The following MGMT variants were observed in gnomAD, a reference collection of about 807,000 sequenced individuals.
MGMT encodes the protein methylated-DNA--protein-cysteine methyltransferase.
MGMT carries 14 observed loss-of-function variants against 15.9 expected under a neutral mutation model. That is an observed-to-expected ratio of 0.88 (90% confidence interval 0.58 to 1.37). The LOEUF is 1.37. Among genes scored for constraint, MGMT ranks in the 40% most tolerant of loss-of-function variants. The probability of loss-of-function intolerance (pLI) is 0.00; values close to 1 mark genes in which losing one functional copy is unlikely to be tolerated. For synonymous variants in MGMT, 130 were observed against 118.2 expected (o/e 1.10, Z -0.65); for missense variants, 282 against 268.1 (o/e 1.05, Z -0.36).
At chr10:129,551,079 G>T (rs530771191) in intron 2 of MGMT, among the ~76,000 whole-genome samples, 3 of 152,218 alleles carry the variant, frequency 2.0e-5, no homozygotes, top group South Asian at 2.1e-4. Context: ...GCCCAGAGGT[G>T]CAGGGCAGCT....
At chr10:129,745,461 T>G (rs1848684230) in intron 3 of MGMT, among the ~76,000 whole-genome samples, 1 of 152,024 alleles carries the variant, frequency 6.6e-6, no homozygotes, top group Admixed American at 6.5e-5. Context: ...CGTGGCTTTG[T>G]GTTTTTGAGA....
Position 129,604,132 on chromosome 10 carries a change from G to T in MGMT, c.125+67755G>T, listed in dbSNP as rs746224974. The stretch of plus-strand genomic sequence containing the variant: ...TTACTGATGGTATGAAATGGGGAGA[G>T]GGAGGGCTTTGTCTCCATCCTCCTC... On this transcript the variant is annotated intron_variant, in intron 2 of 4. Coordinates refer to ENST00000651593, the MANE Select transcript of MGMT (RefSeq NM_002412.5). Among the ~76,000 whole-genome samples, 3 of 152,186 alleles carry T rather than the reference G, an allele frequency of 2.0e-5. No individual in the cohort carries two copies. In the South Asian group the frequency reaches 6.2e-4, roughly 32 times the overall value.
chr10:129,667,130 ATCTT>A (rs1160196025), intron 2 of MGMT, among the ~76,000 whole-genome samples: 1 of 152,154 alleles, frequency 6.6e-6, no homozygotes, highest in African/African-American at 2.4e-5. Flanking sequence ...CCTGCAGTGA[ATCTT>A]TGTGTAACCA....
intron 2 of MGMT, among the ~76,000 whole-genome samples, chr10:129,673,362 C>T (rs1201990347): frequency 3.3e-5 from 5 of 152,232 alleles, no homozygotes; most frequent in South Asian, 2.1e-4. Flanking sequence ...CCCACCTCCC[C>T]ATCTTCCTTT....
At chr10:129,646,754 A>ATATATATTTTTTTTTTT in intron 2 of MGMT, among the ~76,000 whole-genome samples, 119 of 86,592 alleles carry the variant, frequency 1.4e-3, no homozygotes, top group African/African-American at 4.2e-3. Context: ...ATATATATAT[A>ATATATATTTTTTTTTTT]TTTTCAGGGA....
At chr10:129,582,376 T>C (rs923774918) in intron 2 of MGMT, among the ~76,000 whole-genome samples, 3 of 152,192 alleles carry the variant, frequency 2.0e-5, no homozygotes, top group Non-Finnish European at 2.9e-5. Context: ...CACTGCGCAG[T>C]GTTGCTGTGC....
chr10:129,529,637 T>C (rs1342606117), intron 1 of MGMT, among the ~76,000 whole-genome samples: 2 of 150,678 alleles, frequency 1.3e-5, no homozygotes, highest in African/African-American at 4.9e-5. Context: ...TACTTGTGTG[T>C]GTTTTCATTT....
intron 2 of MGMT, among the ~76,000 whole-genome samples, chr10:129,602,860 G>T (rs1035790906): frequency 1.3e-4 from 20 of 151,984 alleles, no homozygotes; most frequent in Non-Finnish European, 2.9e-5. Context: ...CTTCGGGAAT[G>T]TCTGCAAGTA....
At chr10:129,489,760 G>GAAA (rs531114776) in intron 1 of MGMT, among the ~76,000 whole-genome samples, 33 of 152,108 alleles carry the variant, frequency 2.2e-4, no homozygotes, top group African/African-American at 7.7e-4. Flanking sequence ...TCTAGGATTA[G>GAAA]ATTTTTCTTT....
chr10:129,584,004 A>G (rs1846588769), intron 2 of MGMT, among the ~76,000 whole-genome samples: 1 of 152,154 alleles, frequency 6.6e-6, no homozygotes, highest in Non-Finnish European at 1.5e-5. Flanking sequence ...AAGACTTGGC[A>G]TGTCAGTGGA....
intron 2 of MGMT, among the ~76,000 whole-genome samples, chr10:129,654,355 C>T (rs893369022): frequency 1.3e-5 from 2 of 151,962 alleles, no homozygotes; most frequent in African/African-American, 4.8e-5. Flanking sequence ...GACCTGCACG[C>T]GGGGTCGGGC....
At chr10:129,650,494 C>T (rs1033221162) in intron 2 of MGMT, among the ~76,000 whole-genome samples, 2 of 152,114 alleles carry the variant, frequency 1.3e-5, no homozygotes, top group African/African-American at 2.4e-5. Context: ...CCGAAGGTGC[C>T]GGTACGTGAT....
intron 2 of MGMT, among the ~76,000 whole-genome samples, chr10:129,555,862 G>A (rs566622776): frequency 9.2e-5 from 14 of 152,184 alleles, no homozygotes; most frequent in African/African-American, 3.1e-4. Context: ...CGGCAACTCC[G>A]TCAGAGTCCT....
chr10:129,699,860 CA>C (rs1848076341), intron 2 of MGMT, among the ~76,000 whole-genome samples: 1 of 152,086 alleles, frequency 6.6e-6, no homozygotes, highest in Non-Finnish European at 1.5e-5. Context: ...GTACAGAATG[CA>C]TCTTTAAAAT....
chr10:129,666,856 A>G (rs757979850), intron 2 of MGMT, among the ~76,000 whole-genome samples: 10 of 152,246 alleles, frequency 6.6e-5, no homozygotes, highest in Non-Finnish European at 2.9e-5. Flanking sequence ...CTTATGAAAC[A>G]TAAGATGGTA....
chr10:129,652,088 G>A (rs919527391), intron 2 of MGMT, among the ~76,000 whole-genome samples: 2 of 152,328 alleles, frequency 1.3e-5, no homozygotes, highest in South Asian at 2.1e-4. Flanking sequence ...GGGATCGTGT[G>A]TAGGAGTAGA....
At chr10:129,657,843 C>T (rs1847550066) in intron 2 of MGMT, among the ~76,000 whole-genome samples, 1 of 152,128 alleles carries the variant, frequency 6.6e-6, no homozygotes, top group Non-Finnish European at 1.5e-5. Context: ...CATGGAGATG[C>T]TGGGAATGGG....
chr10:129,664,092 T>C (rs1348502437), intron 2 of MGMT, among the ~76,000 whole-genome samples: 1 of 152,276 alleles, frequency 6.6e-6, no homozygotes, highest in East Asian at 1.9e-4. Flanking sequence ...GACACCTCAT[T>C]AGTAGTATAA....
At chr10:129,525,182 GCA>G (rs1256054322) in intron 1 of MGMT, among the ~76,000 whole-genome samples, 2 of 152,130 alleles carry the variant, frequency 1.3e-5, no homozygotes, top group African/African-American at 2.4e-5. Context: ...CTGCTTGATT[GCA>G]CAGATTCAAA....
Sources: allele counts gnomAD v4.1 joint callset (sites outside exome capture counted in the v4.1 genomes callset), GRCh38; gene constraint gnomAD v4.1.1; transcripts MANE v1.5; gene names NCBI Gene and HGNC (gene_info 2026-07-23, HGNC 2026-07-21).